The following SI variants were observed in gnomAD, a reference collection of about 807,000 sequenced individuals.
SI encodes the protein sucrase-isomaltase.
A neutral mutation model predicts 253.3 loss-of-function variants in SI; 235 were observed. The ratio of observed to expected loss-of-function variants is 0.93; its 90% CI spans 0.83 to 1.03. The LOEUF (loss-of-function observed/expected upper bound fraction) is 1.03, where lower values mean the gene tolerates loss of function less well. SI is among the 50% of genes least tolerant of loss of function. The probability of loss-of-function intolerance (pLI) is 0.00; values close to 1 mark genes in which losing one functional copy is unlikely to be tolerated. For synonymous variants in SI, 819 were observed against 712.0 expected (o/e 1.15, Z -2.39); for missense variants, 2,442 against 2,211.1 (o/e 1.10, Z -2.09).
At chr3:165,039,187 C>A in intron 19 of SI, 53 bp from the exon 20 acceptor site, 3 of 1,233,046 alleles carry the variant, frequency 2.4e-6, no homozygotes, top group Non-Finnish European at 3.5e-6. Flanking sequence ...CAAGGAGGAT[C>A]TTATCAAATA....
In SI at chr3:165,009,276, T is replaced by C. The variant is rs921202443; in HGVS notation, c.4179+3A>G. The stretch of plus-strand genomic sequence containing the variant: ...AAACATAGATTGTTCAAAGCTTACT[T>C]ACAATCCACAAACCATCAAACTTCA... On this transcript the variant is annotated splice_donor_region_variant and intron_variant, in intron 35 of 47. Coordinates refer to ENST00000264382, the MANE Select transcript of SI (RefSeq NM_001041.4). 1.9e-6 allele frequency: 3 copies of C among 1,567,562 alleles called. No homozygotes were observed. Among genetic ancestry groups the C allele is most frequent in the African/African-American group, 2.7e-5 (2 of 73,910 alleles).
At position 165,040,082 on chromosome 3, in the gene SI, T is replaced by C. The variant is rs115021990; in HGVS notation, c.2160-111A>G. The stretch of plus-strand genomic sequence containing the variant: ...TCCTGGGAATTGTTGTTATCTTGAA[T>C]TGTGCTTGTTTCAGATGACATTTTC... On this transcript the variant is annotated intron_variant, in intron 18 of 47. Transcript: ENST00000264382. 363 of 825,966 alleles carry C rather than the reference T, an allele frequency of 4.4e-4. 1 individual carries two copies. In the African/African-American group the frequency reaches 5.1e-3, roughly 12 times the overall value. 51.2% of individuals were successfully genotyped at this position (825,966 alleles called of 1,614,324 possible). A position where few individuals can be genotyped will look rare whatever the true frequency, so the allele number is the denominator to read the frequency against.
chr3:165,026,139 A>T (rs1182699471), intron 25 of SI, among the ~76,000 whole-genome samples: 2 of 151,418 alleles, frequency 1.3e-5, no homozygotes, highest in Admixed American at 1.3e-4. Context: ...GGGGTAGAAA[A>T]AAACATTCCA....
At chr3:165,021,447 A>T (rs535386614) in intron 26 of SI, 64 bp from the exon 27 acceptor site, 1 of 1,239,308 alleles carries the variant, frequency 8.1e-7, no homozygotes, top group African/African-American at 1.5e-5. Flanking sequence ...CATATCATGA[A>T]CTAAGTTAAA....
chr3:165,051,146 T>C (rs1713408700), intron 13 of SI, among the ~76,000 whole-genome samples: 1 of 152,096 alleles, frequency 6.6e-6, no homozygotes, highest in Non-Finnish European at 1.5e-5. Context: ...CCATAAATAT[T>C]GAGTTCCTCT....
upstream of SI, among the ~76,000 whole-genome samples, chr3:165,079,502 T>C (rs559219953): frequency 1.3e-3 from 201 of 151,876 alleles, no homozygotes; most frequent in Middle Eastern, 0.01. Flanking sequence ...TAAGACTCAG[T>C]AGCTATATAA....
the SI span, among the ~76,000 whole-genome samples, chr3:165,085,543 C>T: frequency 6.6e-6 from 1 of 152,082 alleles, no homozygotes; most frequent in African/African-American, 2.4e-5. Context: ...CTGTCCAGCT[C>T]TAATATTCAC....
chr3:164,988,819 T>A (rs1461821966), intron 44 of SI, among the ~76,000 whole-genome samples: 1 of 152,154 alleles, frequency 6.6e-6, no homozygotes, highest in Non-Finnish European at 1.5e-5. Context: ...ACAGAGCAGA[T>A]CCATTGTCCC....
chr3:164,985,871 T>C, intron 45 of SI, among the ~76,000 whole-genome samples: 1 of 152,140 alleles, frequency 6.6e-6, no homozygotes. Flanking sequence ...ATAATCTGCA[T>C]TCTTAGCAAG....
At chr3:164,998,491 A>G (rs775927536) in intron 38 of SI, 49 bp downstream of exon 38, 1 of 1,590,472 alleles carries the variant, frequency 6.3e-7, no homozygotes, top group East Asian at 2.2e-5. Flanking sequence ...AAAAGTGAGT[A>G]TCTAATAGAA....
Position 165,037,915 on chromosome 3 carries a change from A to G in SI, c.2411T>C (p.Val804Ala). ...GYIIPIQEPD[V>A]TTTASRKNPL... ...TTCATTTTACCTTGCTGTTGTTGTT[A>G]CATCTGGTTCTTGAATGGGGATGAT... The change falls in exon 21 of 48, where the codon GTA (valine) becomes GCA (alanine). Residue 804 changes from valine to alanine, a missense_variant. Coordinates refer to ENST00000264382, the MANE Select transcript of SI (RefSeq NM_001041.4). 6.2e-7 allele frequency: 1 copy of G among 1,607,000 alleles called. No individual in the cohort carries two copies. The highest frequency in any genetic ancestry group is 8.5e-7 in the Non-Finnish European group (1 of 1,174,770).
At chr3:165,007,878 G>T in intron 36 of SI, 33 bp downstream of exon 36, 1 of 1,026,790 alleles carries the variant, frequency 9.7e-7, no homozygotes, top group South Asian at 1.3e-5. Context: ...ATAATAACAT[G>T]ATAATATCAA....
intron 23 of SI, among the ~76,000 whole-genome samples, chr3:165,032,927 A>G (rs919203579): frequency 1.3e-5 from 2 of 151,486 alleles, no homozygotes; most frequent in Non-Finnish European, 3.0e-5. Context: ...CAACACATAT[A>G]TACTCATTCT....
intron 45 of SI, among the ~76,000 whole-genome samples, chr3:164,983,824 C>T (rs1717313267): frequency 6.6e-6 from 1 of 152,000 alleles, no homozygotes; most frequent in Admixed American, 6.6e-5. Flanking sequence ...AACTCCTACA[C>T]TCAAATGATC....
intron 26 of SI, 54 bp downstream of exon 26, chr3:165,023,516 A>G: frequency 8.5e-7 from 1 of 1,177,984 alleles, no homozygotes; most frequent in South Asian, 1.2e-5. Flanking sequence ...GGATTATTCA[A>G]AATCTCATCT....
intron 12 of SI, among the ~76,000 whole-genome samples, chr3:165,058,020 C>G (rs970975772): frequency 6.6e-6 from 1 of 150,776 alleles, no homozygotes; most frequent in African/African-American, 2.4e-5. Context: ...AAGGGTAGAC[C>G]ATATGTCAGG....
At chr3:164,985,850 G>T (rs1717408228) in intron 45 of SI, among the ~76,000 whole-genome samples, 1 of 152,044 alleles carries the variant, frequency 6.6e-6, no homozygotes. Flanking sequence ...AATGAAACTT[G>T]AATGAGTCCT....
Position 165,012,999 on chromosome 3 carries a change from G to A in SI, c.4043C>T (p.Thr1348Met), listed in dbSNP as rs192640245. The change falls in exon 34 of 48, where the codon ACG (threonine) becomes ATG (methionine). Residue 1348 changes from threonine (T) to methionine (M), a missense_variant. Transcript: ENST00000264382. The stretch of plus-strand genomic sequence containing the variant: ...ACTTACATTAACAGCTTCATCTTCC[G>A]TTAGAGTTTTATCTATTGTTATGTT... Reference protein sequence around the residue: ...LPNITIDKTLTEDEAVNASRA... With the variant: ...LPNITIDKTLMEDEAVNASRA... 2.1e-5 allele frequency: 33 copies of A among 1,608,522 alleles called. No homozygotes were observed. Among genetic ancestry groups the A allele is most frequent in the East Asian group, 1.1e-4 (5 of 44,756 alleles).
chr3:165,071,088 A>G (rs1170767741), intron 3 of SI, among the ~76,000 whole-genome samples: 1 of 152,066 alleles, frequency 6.6e-6, no homozygotes. Flanking sequence ...GCCCAAATTA[A>G]TTTACTACGA....
Sources: gnomAD v4.1 joint callset for allele counts (sites outside exome capture counted in the v4.1 genomes callset) on GRCh38, gnomAD v4.1.1 for gene constraint, MANE v1.5 for transcripts, NCBI Gene and HGNC (gene_info 2026-07-23, HGNC 2026-07-21) for gene names.